The following GRIK2 variants were observed in gnomAD, a reference collection of about 807,000 sequenced individuals.
GRIK2 encodes glutamate ionotropic receptor kainate type subunit 2.
A neutral mutation model predicts 100.3 loss-of-function variants in GRIK2; 32 were observed. That is an observed-to-expected ratio of 0.32 (90% confidence interval 0.24 to 0.43). GRIK2 has a LOEUF of 0.43. GRIK2 is among the 20% of genes least tolerant of loss of function. GRIK2 has a pLI of 1.00. For missense variants in GRIK2, 843 were observed against 1,114.9 expected (o/e 0.76, Z 3.47); for synonymous variants, 417 against 389.4 (o/e 1.07, Z -0.83).
intron 7 of GRIK2, among the ~76,000 whole-genome samples, chr6:101,694,520 TAAAG>T (rs1046770591): frequency 6.6e-6 from 1 of 152,068 alleles, no homozygotes; most frequent in African/African-American, 2.4e-5. Context: ...TTGAAATTAT[TAAAG>T]AAGAGAGAGT....
intron 10 of GRIK2, among the ~76,000 whole-genome samples, chr6:101,834,360 CTTA>C (rs1280381532): frequency 4.0e-5 from 6 of 151,778 alleles, no homozygotes; most frequent in African/African-American, 1.5e-4. Context: ...TCAGCATTTT[CTTA>C]TTATTTTTCT....
rs527961372 is a variant in GRIK2, at chr6:101,474,270, A to G, written c.115+74878A>G. ...TTATAATAAAATATTATTGAGATGT[A>G]TATATTTAAAATTTCTTTACAGTTA... On this transcript the variant is annotated intron_variant, in intron 2 of 16. Transcript: ENST00000369134. Among the ~76,000 whole-genome samples the G allele has an allele frequency of 1.4e-4, 21 of 152,008 alleles. No individual in the cohort carries two copies. The South Asian group carries it at 3.9e-3, about 28-fold the overall frequency.
chr6:101,572,723 A>T (rs1174548156), intron 2 of GRIK2, among the ~76,000 whole-genome samples: 1 of 148,118 alleles, frequency 6.8e-6, no homozygotes, highest in Non-Finnish European at 1.5e-5. Context: ...CTACCATAGA[A>T]ATTATTTTCT....
chr6:101,578,014 G>A (rs1777871368), intron 2 of GRIK2, among the ~76,000 whole-genome samples: 1 of 152,162 alleles, frequency 6.6e-6, no homozygotes, highest in Admixed American at 6.6e-5. Context: ...CAGTGTGATG[G>A]ATGACACTCC....
chr6:101,469,437 G>A (rs562383976), intron 2 of GRIK2, among the ~76,000 whole-genome samples: 41 of 152,124 alleles, frequency 2.7e-4, no homozygotes, highest in Admixed American at 1.1e-3. Context: ...CACTGGGCCC[G>A]TTTAAATTAA....
At chr6:101,427,459 G>A (rs1769100450) in intron 2 of GRIK2, among the ~76,000 whole-genome samples, 1 of 152,176 alleles carries the variant, frequency 6.6e-6, no homozygotes, top group Admixed American at 6.5e-5. Context: ...GCTGGAAAAT[G>A]TGCATGAAGG....
At chr6:101,446,846 G>T (rs1461536777) in intron 2 of GRIK2, among the ~76,000 whole-genome samples, 1 of 150,814 alleles carries the variant, frequency 6.6e-6, no homozygotes, top group Non-Finnish European at 1.5e-5. Flanking sequence ...TACTACCCAT[G>T]GCTTACTAGA....
chr6:101,662,676 C>A (rs2128334642), intron 4 of GRIK2, among the ~76,000 whole-genome samples: 1 of 152,134 alleles, frequency 6.6e-6, no homozygotes, highest in Admixed American at 6.5e-5. Context: ...TCTATTTCTA[C>A]AGTAATCACC....
intron 2 of GRIK2, among the ~76,000 whole-genome samples, chr6:101,524,307 T>A (rs1775036041): frequency 6.6e-6 from 1 of 152,050 alleles, no homozygotes; most frequent in African/African-American, 2.4e-5. Context: ...CTAAAACCAC[T>A]GGTTTTTGGG....
chr6:102,010,788 C>A (rs1437459990), intron 14 of GRIK2, among the ~76,000 whole-genome samples: 1 of 151,776 alleles, frequency 6.6e-6, no homozygotes, highest in Non-Finnish European at 1.5e-5. Flanking sequence ...AGTAAGTAGT[C>A]TTTCAAGACT....
At chr6:101,780,508 A>G (rs1392219798) in intron 7 of GRIK2, among the ~76,000 whole-genome samples, 1 of 152,234 alleles carries the variant, frequency 6.6e-6, no homozygotes, top group East Asian at 1.9e-4. Context: ...ATTAAATGAG[A>G]TAATGCATGT....
At chr6:101,710,634 A>G (rs1205456829) in intron 7 of GRIK2, among the ~76,000 whole-genome samples, 1 of 151,782 alleles carries the variant, frequency 6.6e-6, no homozygotes, top group Non-Finnish European at 1.5e-5. Context: ...TAAGCAAGAG[A>G]GTATTATCAC....
At chr6:101,799,484 G>T (rs1320278411) in intron 7 of GRIK2, among the ~76,000 whole-genome samples, 164 bp from the exon 8 acceptor site, 1 of 152,034 alleles carries the variant, frequency 6.6e-6, no homozygotes, top group East Asian at 1.9e-4. Context: ...ATAATGTCTT[G>T]TTTAAGAGAA....
At chr6:101,998,819 T>TC (rs1385984968) in intron 14 of GRIK2, among the ~76,000 whole-genome samples, 5 of 144,486 alleles carry the variant, frequency 3.5e-5, no homozygotes, top group Admixed American at 2.1e-4. Flanking sequence ...TTTCTTTTTT[T>TC]TTTTTTTTTT....
At chr6:101,518,625 A>T (rs963099225) in intron 2 of GRIK2, among the ~76,000 whole-genome samples, 3 of 152,172 alleles carry the variant, frequency 2.0e-5, no homozygotes, top group Non-Finnish European at 4.4e-5. Context: ...CTTTGAAATG[A>T]TCTGGGAAAA....
At chr6:101,776,152 A>C (rs548484303) in intron 7 of GRIK2, among the ~76,000 whole-genome samples, 1 of 152,180 alleles carries the variant, frequency 6.6e-6, no homozygotes, top group Non-Finnish European at 1.5e-5. Flanking sequence ...TTTAATGTAC[A>C]TGAGAAGTTT....
At chr6:101,948,364 C>T (rs1791400982) in intron 14 of GRIK2, among the ~76,000 whole-genome samples, 1 of 150,470 alleles carries the variant, frequency 6.6e-6, no homozygotes, top group African/African-American at 2.4e-5. Flanking sequence ...ACATAAGCCA[C>T]AAGTTACTAT....
At chr6:101,614,146 A>G (rs1779798315) in intron 2 of GRIK2, among the ~76,000 whole-genome samples, 1 of 151,634 alleles carries the variant, frequency 6.6e-6, no homozygotes, top group Non-Finnish European at 1.5e-5. Context: ...CATCTTTTAC[A>G]CTCAGGATAA....
intron 2 of GRIK2, among the ~76,000 whole-genome samples, chr6:101,490,268 G>A (rs1773036925): frequency 6.8e-6 from 1 of 146,902 alleles, no homozygotes. Flanking sequence ...TATCAACAGG[G>A]TCCTATAAGT....
Sources: allele counts gnomAD v4.1 joint callset (sites outside exome capture counted in the v4.1 genomes callset), GRCh38; gene constraint gnomAD v4.1.1; transcripts MANE v1.5; gene names NCBI Gene and HGNC (gene_info 2026-07-23, HGNC 2026-07-21).